NEK7: variants seen among roughly 807,000 people sequenced by gnomAD.
NEK7 encodes the protein serine/threonine-protein kinase Nek7.
A neutral mutation model predicts 44.6 loss-of-function variants in NEK7; 18 were observed. That is an observed-to-expected ratio of 0.40 (90% CI 0.28 to 0.60). NEK7 has a LOEUF of 0.60. Ranked by LOEUF, NEK7 falls within the 20% of genes least tolerant of loss-of-function variation. The pLI is 0.38. For synonymous variants in NEK7, 130 were observed against 121.1 expected (o/e 1.07, Z -0.48); for missense variants, 256 against 366.5 (o/e 0.70, Z 2.46).
intron 8 of NEK7, among the ~76,000 whole-genome samples, chr1:198,296,889 T>A (rs918086917): frequency 6.6e-6 from 1 of 152,188 alleles, no homozygotes; most frequent in Non-Finnish European, 1.5e-5. Flanking sequence ...TAAAGAAATA[T>A]GCTAATTCTC....
chr1:198,206,710 C>T (rs750271608), intron 1 of NEK7, among the ~76,000 whole-genome samples: 1 of 151,976 alleles, frequency 6.6e-6, no homozygotes, highest in Non-Finnish European at 1.5e-5. Context: ...TGAACTTTTT[C>T]TCATTTCAGT....
chr1:198,251,084 C>A (rs1406885970), intron 2 of NEK7, among the ~76,000 whole-genome samples: 1 of 151,652 alleles, frequency 6.6e-6, no homozygotes, highest in Non-Finnish European at 1.5e-5. Context: ...GAGTTTTTAG[C>A]ATGAAGCGTT....
rs370883101 is a variant in NEK7, at chr1:198,265,213, T to G, written c.372+978T>G. ...TTCAACTTCATTCCCTTGGCCAGAA[T>G]GTACTCTCATGAACCTATCTAGCTG... On this transcript the variant is annotated intron_variant, in intron 5 of 9. Transcript: ENST00000367385. 2.9e-4 allele frequency among the ~76,000 whole-genome samples: 44 copies of G among 152,174 alleles called. 2 individuals carry two copies. In the South Asian group the frequency reaches 6.6e-3, roughly 23 times the overall value.
chr1:198,169,401 A>G (rs1316872197), intron 1 of NEK7, among the ~76,000 whole-genome samples: 1 of 152,164 alleles, frequency 6.6e-6, no homozygotes, highest in East Asian at 1.9e-4. Flanking sequence ...ATCCAAGTTT[A>G]TGCTTTAAAA....
In NEK7 at chr1:198,272,442, A is replaced by G. The variant is rs138653089; in HGVS notation, c.373-5519A>G. ...CTTAATTTCTCTCCTTTAGATTTCAATTGAGATACTTTTACTGTTCTGCTG... is the reference window on the plus strand; with the variant it reads ...CTTAATTTCTCTCCTTTAGATTTCAGTTGAGATACTTTTACTGTTCTGCTG... On this transcript the variant is annotated intron_variant, in intron 5 of 9. Transcript: ENST00000367385. 1.0e-2 allele frequency among the ~76,000 whole-genome samples: 1,516 copies of G among 152,006 alleles called. 26 individuals carry two copies. The highest frequency in any genetic ancestry group is 0.035 in the African/African-American group (1,453 of 41,548).
intron 1 of NEK7, among the ~76,000 whole-genome samples, chr1:198,178,039 T>G (rs1181761806): frequency 1.3e-5 from 2 of 152,002 alleles, no homozygotes; most frequent in Non-Finnish European, 2.9e-5. Flanking sequence ...GGACTCAGAT[T>G]AAAGAGAGAT....
chr1:198,231,194 A>T (rs1666377737), intron 1 of NEK7, among the ~76,000 whole-genome samples: 1 of 150,240 alleles, frequency 6.7e-6, no homozygotes, highest in South Asian at 2.1e-4. Context: ...GGGCAGTAGT[A>T]CACTGTATAG....
At chr1:198,209,051 A>C (rs1340317367) in intron 1 of NEK7, among the ~76,000 whole-genome samples, 2 of 149,396 alleles carry the variant, frequency 1.3e-5, no homozygotes, top group Non-Finnish European at 3.0e-5. Context: ...ATATATATAT[A>C]TATATATACA....
At chr1:198,212,743 C>G (rs1665811880) in intron 1 of NEK7, among the ~76,000 whole-genome samples, 1 of 152,234 alleles carries the variant, frequency 6.6e-6, no homozygotes, top group Non-Finnish European at 1.5e-5. Flanking sequence ...ATAAGGCAAG[C>G]AGAAAATCTG....
intron 1 of NEK7, among the ~76,000 whole-genome samples, chr1:198,162,271 C>T (rs968465136): frequency 2.0e-5 from 3 of 152,134 alleles, no homozygotes; most frequent in Admixed American, 2.0e-4. Context: ...CCCCTTAGCC[C>T]TCGGGGAAGC....
chr1:198,201,766 A>G (rs1243242535), intron 1 of NEK7, among the ~76,000 whole-genome samples: 1 of 152,182 alleles, frequency 6.6e-6, no homozygotes, highest in African/African-American at 2.4e-5. Context: ...AATCCAGGTG[A>G]CACCAAGACA....
At chr1:198,285,324 G>C (rs1019776772) in intron 7 of NEK7, among the ~76,000 whole-genome samples, 1 of 152,108 alleles carries the variant, frequency 6.6e-6, no homozygotes, top group Admixed American at 6.6e-5. Flanking sequence ...CATACATAAA[G>C]GGTGAATTTG....
At chr1:198,267,928 A>G (rs774560125) in intron 5 of NEK7, among the ~76,000 whole-genome samples, 12 of 151,920 alleles carry the variant, frequency 7.9e-5, no homozygotes, top group Non-Finnish European at 1.3e-4. Context: ...CTCTCTCATG[A>G]AACCAGAGGA....
At chr1:198,273,507 A>G (rs919878278) in intron 5 of NEK7, among the ~76,000 whole-genome samples, 1 of 151,758 alleles carries the variant, frequency 6.6e-6, no homozygotes, top group Non-Finnish European at 1.5e-5. Flanking sequence ...TTCATCACCC[A>G]GTCTCTGTGA....
chr1:198,164,085 GCAA>G (rs141795666), intron 1 of NEK7, among the ~76,000 whole-genome samples: 1,983 of 151,956 alleles, frequency 0.013, 35 homozygotes, highest in African/African-American at 0.045. Flanking sequence ...TACTAAAAAT[GCAA>G]CAACAACAAC....
intron 3 of NEK7, among the ~76,000 whole-genome samples, chr1:198,261,981 C>T (rs1436976282): frequency 6.6e-6 from 1 of 151,698 alleles, no homozygotes; most frequent in Non-Finnish European, 1.5e-5. Flanking sequence ...TACCCTTCTC[C>T]ACAAAGAACC....
chr1:198,235,837 T>G (rs1666531704), intron 2 of NEK7, among the ~76,000 whole-genome samples: 1 of 152,164 alleles, frequency 6.6e-6, no homozygotes, highest in Admixed American at 6.6e-5. Flanking sequence ...TGTAATATTT[T>G]GGCTACTTAT....
chr1:198,189,331 A>G (rs2102763186), intron 1 of NEK7, among the ~76,000 whole-genome samples: 1 of 152,286 alleles, frequency 6.6e-6, no homozygotes. Flanking sequence ...AGTTATATTT[A>G]AAGCACAATT....
chr1:198,170,608 C>G (rs1323494588), intron 1 of NEK7, among the ~76,000 whole-genome samples: 2 of 152,136 alleles, frequency 1.3e-5, no homozygotes, highest in African/African-American at 4.8e-5. Context: ...CAAGGATCCC[C>G]TCATGGAGAA....
Sources: gnomAD v4.1 joint callset for allele counts (sites outside exome capture counted in the v4.1 genomes callset) on GRCh38, gnomAD v4.1.1 for gene constraint, MANE v1.5 for transcripts, NCBI Gene and HGNC (gene_info 2026-07-23, HGNC 2026-07-21) for gene names.